Variants in DNALI1 observed in about 807,000 individuals in gnomAD.
The protein encoded by DNALI1 is axonemal dynein light intermediate polypeptide 1.
DNALI1 carries 31 observed loss-of-function variants against 33.9 expected under a neutral mutation model. The observed-to-expected ratio is 0.91, with a 90% confidence interval of 0.69 to 1.23. The LOEUF (loss-of-function observed/expected upper bound fraction) is 1.23, where lower values mean the gene tolerates loss of function less well. DNALI1 is among the 50% of genes most tolerant of loss of function. DNALI1 has a pLI of 0.00. For synonymous variants in DNALI1, 117 were observed against 129.2 expected, an observed-to-expected ratio of 0.91 and a Z score of 0.64; for missense variants, 305 against 323.8, an observed-to-expected ratio of 0.94 and a Z score of 0.44.
At position 37,561,727 on chromosome 1, in the gene DNALI1, G is replaced by T. The variant is rs766211268; in HGVS notation, c.568G>T (p.Glu190Ter). The T allele has an allele frequency of 4.4e-5, 71 of 1,613,612 alleles. No homozygotes were observed. The highest frequency in any genetic ancestry group is 5.8e-5 in the Non-Finnish European group (69 of 1,179,736). The stretch of plus-strand genomic sequence containing the variant: ...GGCTGAGCAGGGGAAGTCAGACATG[G>T]AGAGGAAAGTGAGTGGGGTTTACCG... ...LQAEQGKSDM[E>*]RKIAELETEK... Residue 190 changes from glutamate to a stop codon, truncating the protein, a stop_gained, in exon 4 of 6, where the codon GAG becomes TAG. Coordinates refer to ENST00000652629, the MANE Select transcript of DNALI1 (RefSeq NM_003462.5). LOFTEE classifies it high-confidence loss of function. The surrounding 1 kb of genome is among the most constrained non-coding windows in gnomAD (Gnocchi z 4.6).
At position 37,565,239 on chromosome 1, in the gene DNALI1, A is replaced by C. The variant is rs1643486299; in HGVS notation, c.*178A>C. ...TTGTTAGAAGTCACACTATTACTCCAATGTCATCAGACACCTAAGGTCTGC... is the reference window on the plus strand; with the variant it reads ...TTGTTAGAAGTCACACTATTACTCCCATGTCATCAGACACCTAAGGTCTGC... On this transcript the variant is annotated 3_prime_UTR_variant, in exon 6 of 6. Transcript: ENST00000652629. 1.5e-6 allele frequency: 1 copy of C among 662,030 alleles called. No homozygotes were observed. The highest frequency in any genetic ancestry group is 2.6e-6 in the Non-Finnish European group (1 of 387,950). 41.0% of individuals were successfully genotyped at this position (662,030 alleles called of 1,614,324 possible). A position where few individuals can be genotyped will look rare whatever the true frequency, so the allele number is the denominator to read the frequency against.
chr1:37,558,390 C>A (rs759104618), intron 2 of DNALI1, among the ~76,000 whole-genome samples: 1 of 152,226 alleles, frequency 6.6e-6, no homozygotes, highest in Non-Finnish European at 1.5e-5. Context: ...CTCCTAGAAT[C>A]TATCCTCCAT....
intron 3 of DNALI1, chr1:37,560,705 C>T (rs1173938487): frequency 6.6e-6 from 1 of 152,238 alleles, no homozygotes; most frequent in Non-Finnish European, 1.5e-5. Context: ...CTGCCAACCA[C>T]TATATTCTTG....
rs979453287 is a variant in DNALI1, at chr1:37,559,840, C to T, written c.397+344C>T. Among the ~76,000 whole-genome samples the T allele has an allele frequency of 1.3e-5, 2 of 152,208 alleles. No homozygotes were observed. The highest frequency in any genetic ancestry group is 2.9e-5 in the Non-Finnish European group (2 of 68,044). On this transcript the variant is annotated intron_variant, in intron 3 of 5. Coordinates refer to ENST00000652629, the MANE Select transcript of DNALI1 (RefSeq NM_003462.5). The surrounding 1 kb of genome is among the most constrained non-coding windows in gnomAD (Gnocchi z 5.3). ...GCACCGGCACTGGTCTCTGAGTTTC[C>T]TCAGTATTTATTGATTACTATTTTC...
Position 37,559,605 on chromosome 1 carries a change from C to G in DNALI1, c.397+109C>G. 1 of 1,254,200 alleles carries G rather than the reference C, an allele frequency of 8.0e-7. No homozygotes were observed. 77.7% of individuals were successfully genotyped at this position (1,254,200 alleles called of 1,614,324 possible). A position where few individuals can be genotyped will look rare whatever the true frequency, so the allele number is the denominator to read the frequency against. On this transcript the variant is annotated intron_variant, in intron 3 of 5. Transcript: ENST00000652629. The surrounding 1 kb of genome is among the most constrained non-coding windows in gnomAD (Gnocchi z 5.3). ...CCTTGGAGCTGGAGCCCATCTCATG[C>G]TGGAATCCCCTCTTCTCCCCCTGCC... is the stretch of plus-strand genomic sequence containing the variant.
At position 37,566,084 on chromosome 1, in the gene DNALI1, G is replaced by A. The variant is rs1389518453; in HGVS notation, c.*1023G>A. 3 of 152,314 alleles carry A rather than the reference G, an allele frequency of 2.0e-5. No homozygotes were observed. The highest frequency in any genetic ancestry group is 2.1e-4 in the South Asian group (1 of 4,830). The allele number at this position is 152,314 out of a possible 1,614,324, so 9.4% of individuals were successfully genotyped here. The stretch of plus-strand genomic sequence containing the variant: ...ATGCTCAGGTTCCCCAGAAAGAGGC[G>A]TAAGAAGGGCCTCTCCTTAGCAGAG... On this transcript the variant is annotated 3_prime_UTR_variant, in exon 6 of 6. Transcript: ENST00000652629.
rs1029906774 is a variant in DNALI1, at chr1:37,557,075, G to A, written c.81G>A (p.Lys27=). 1.2e-6 allele frequency: 2 copies of A among 1,614,208 alleles called. No homozygotes were observed. Among genetic ancestry groups the A allele is most frequent in the Non-Finnish European group, 1.7e-6 (2 of 1,180,022 alleles). The change falls in exon 1 of 6, where the codon AAG becomes AAA. Residue 27 remains lysine (K), a splice_region_variant and synonymous_variant. Transcript: ENST00000652629. ...VSRNTEKRSP[K]ARLLKVSPQQ... ...GGAACACGGAGAAACGGAGCCCCAA[G>A]GTAAAGACGGGGGCTCGGGAGACAA... is the stretch of plus-strand genomic sequence containing the variant.
intron 2 of DNALI1, among the ~76,000 whole-genome samples, chr1:37,558,676 C>T (rs1357312315): frequency 6.6e-6 from 1 of 152,208 alleles, no homozygotes; most frequent in Non-Finnish European, 1.5e-5. Flanking sequence ...AGATGTTCTC[C>T]CCTTGATATT....
At position 37,565,300 on chromosome 1, in the gene DNALI1, T is replaced by C. The variant is rs1392001319; in HGVS notation, c.*239T>C. 8.9e-6 allele frequency: 5 copies of C among 561,492 alleles called. No individual in the cohort carries two copies. The highest frequency in any genetic ancestry group is 1.6e-5 in the Non-Finnish European group (5 of 315,536). 34.8% of individuals were successfully genotyped at this position (561,492 alleles called of 1,614,324 possible). On this transcript the variant is annotated 3_prime_UTR_variant, in exon 6 of 6. Transcript: ENST00000652629. ...CCTGGCTGGGCAATGGAAGATGGTG[T>C]GGCCCTGTTAGTCTCCGTGTGTGGC... is the stretch of plus-strand genomic sequence containing the variant.
chr1:37,561,622 G>A lies in DNALI1; in HGVS notation c.463G>A (p.Asp155Asn). Reference sequence around the variant, plus strand: ...GGGGCTGCTGCTGCTGCGAGTCCGGGACGAGATCCGCATGACCATCGCTGC... The same window carrying A: ...GGGGCTGCTGCTGCTGCGAGTCCGGAACGAGATCCGCATGACCATCGCTGC... ...ERGLLLLRVRDEIRMTIAAYQ... is the reference protein window; with the variant it reads ...ERGLLLLRVRNEIRMTIAAYQ... Residue 155 changes from aspartate to asparagine, a missense_variant, in exon 4 of 6, where the codon GAC (aspartate) becomes AAC (asparagine). Asp to Asn is a conservative substitution (Grantham distance 23). Transcript: ENST00000652629. This position sits in a 1 kb window ranked among gnomAD's most constrained non-coding sequence, Gnocchi z 4.6. 6.2e-7 allele frequency: 1 copy of A among 1,613,860 alleles called. No homozygotes were observed. The highest frequency in any genetic ancestry group is 8.5e-7 in the Non-Finnish European group (1 of 1,179,888).
At position 37,561,678 on chromosome 1, in the gene DNALI1, G is replaced by A. The variant is rs532698995; in HGVS notation, c.519G>A (p.Ala173=). 1.4e-5 allele frequency: 22 copies of A among 1,614,144 alleles called. No individual in the cohort carries two copies. Among genetic ancestry groups the A allele is most frequent in the African/African-American group, 5.3e-5 (4 of 75,034 alleles). Residue 173 remains alanine, a synonymous_variant, in exon 4 of 6, where the codon GCG becomes GCA. Coordinates refer to ENST00000652629, the MANE Select transcript of DNALI1 (RefSeq NM_003462.5). The surrounding 1 kb of genome is among the most constrained non-coding windows in gnomAD (Gnocchi z 4.6). ...AGACCCTGTACGAGAGCAGCGTGGC[G>A]TTTGGCATGAGGAAGGCACTGCAGG... ...AYQTLYESSV[A]FGMRKALQAE...
chr1:37,559,445 AGGGAAACAGG>A lies in DNALI1; in HGVS notation c.347_356del (p.Arg116ThrfsTer17), dbSNP rs1643410344. On this transcript the variant is annotated frameshift_variant, in exon 3 of 6. Transcript: ENST00000652629. LOFTEE classifies it high-confidence loss of function. This position sits in a 1 kb window ranked among gnomAD's most constrained non-coding sequence, Gnocchi z 5.3. ...CTTAAAGCTGCAGCAGCGGCAGGCC[AGGGAAACAGG>A]CATCTGCCCTGTCCGCAGGGAACTC... is the stretch of plus-strand genomic sequence containing the variant. The A allele has an allele frequency of 6.2e-7, 1 of 1,613,320 alleles. No homozygotes were observed. The highest frequency in any genetic ancestry group is 1.7e-5 in the Admixed American group (1 of 59,970).
chr1:37,559,281 C>T lies in DNALI1; in HGVS notation c.228-46C>T. 1 of 1,535,218 alleles carries T rather than the reference C, an allele frequency of 6.5e-7. No homozygotes were observed. On this transcript the variant is annotated intron_variant, in intron 2 of 5. Coordinates refer to ENST00000652629, the MANE Select transcript of DNALI1 (RefSeq NM_003462.5). The surrounding 1 kb of genome is among the most constrained non-coding windows in gnomAD (Gnocchi z 5.3). The stretch of plus-strand genomic sequence containing the variant: ...GGGCCCTCTGCTCATGTGCTAGGGA[C>T]CTTCAAGTCAACGGGTTTTGCTCAG...
At position 37,559,313 on chromosome 1, in the gene DNALI1, T is replaced by C; in HGVS notation, c.228-14T>C. The C allele has an allele frequency of 6.3e-7, 1 of 1,581,138 alleles. No individual in the cohort carries two copies. The highest frequency in any genetic ancestry group is 8.6e-7 in the Non-Finnish European group (1 of 1,162,770). On this transcript the variant is annotated splice_polypyrimidine_tract_variant and intron_variant, in intron 2 of 5. Coordinates refer to ENST00000652629, the MANE Select transcript of DNALI1 (RefSeq NM_003462.5). This position sits in a 1 kb window ranked among gnomAD's most constrained non-coding sequence, Gnocchi z 5.3. The stretch of plus-strand genomic sequence containing the variant: ...GTCAACGGGTTTTGCTCAGCCTCGC[T>C]GTGTCTGCCACAGGGAGTGGGTGGA...
chr1:37,564,943 T>C, intron 5 of DNALI1, 83 bp from the exon 6 acceptor site: 1 of 1,436,698 alleles, frequency 7.0e-7, no homozygotes, highest in East Asian at 2.3e-5. Flanking sequence ...TGGATTCTTC[T>C]TCCCAGAGAT....
At chr1:37,557,908 G>T in intron 2 of DNALI1, 160 bp downstream of exon 2, 1 of 969,254 alleles carries the variant, frequency 1.0e-6, no homozygotes, top group Non-Finnish European at 1.5e-6. Context: ...TGGCAGGGTG[G>T]TGGGAGACCT....
intron 5 of DNALI1, among the ~76,000 whole-genome samples, chr1:37,563,131 TC>T (rs2148123591): frequency 6.6e-6 from 1 of 152,344 alleles, no homozygotes; most frequent in Admixed American, 6.5e-5. Flanking sequence ...TGGATGGATC[TC>T]CCTCTCCTCC....
At position 37,565,810 on chromosome 1, in the gene DNALI1, T is replaced by C. The variant is rs1643493531; in HGVS notation, c.*749T>C. 6.6e-6 allele frequency: 1 copy of C among 152,240 alleles called. No individual in the cohort carries two copies. The highest frequency in any genetic ancestry group is 2.4e-5 in the African/African-American group (1 of 41,462). The allele number at this position is 152,240 out of a possible 1,614,324, so 9.4% of individuals were successfully genotyped here. A position where few individuals can be genotyped will look rare whatever the true frequency, so the allele number is the denominator to read the frequency against. On this transcript the variant is annotated 3_prime_UTR_variant, in exon 6 of 6. Coordinates refer to ENST00000652629, the MANE Select transcript of DNALI1 (RefSeq NM_003462.5). ...GACTCTGCACTCCCCGAAGTAGTGA[T>C]GTTAATTAACAACTGAAGAGGTAAC...
In DNALI1 at chr1:37,561,547, G is replaced by A. The variant is rs17559127; in HGVS notation, c.398-10G>A. ...CCCTGTCTGATCTCATGGTGTGTGT[G>A]CATTGGAAGATGAGTTGATCCGGGA... On this transcript the variant is annotated splice_polypyrimidine_tract_variant and intron_variant, in intron 3 of 5. Coordinates refer to ENST00000652629, the MANE Select transcript of DNALI1 (RefSeq NM_003462.5). The surrounding 1 kb of genome is among the most constrained non-coding windows in gnomAD (Gnocchi z 4.6). 24,623 of 1,613,218 alleles carry A rather than the reference G, an allele frequency of 0.015. 221 individuals are homozygous for A. Among genetic ancestry groups the A allele is most frequent in the Middle Eastern group, 0.042 (250 of 5,928 alleles).
Sources: gnomAD v4.1 joint callset for allele counts (sites outside exome capture counted in the v4.1 genomes callset) on GRCh38, gnomAD v4.1.1 for gene constraint, Gnocchi (gnomAD v3.1) non-coding constraint, MANE v1.5 for transcripts, NCBI Gene and HGNC (gene_info 2026-07-23, HGNC 2026-07-21) for gene names.